Variants in ABI2 observed in about 807,000 individuals in gnomAD.
ABI2 encodes abelson interactor 2.
Under a neutral mutation model 59.2 loss-of-function variants are expected in ABI2, and 25 were observed. That is an observed-to-expected ratio of 0.42 (90% CI 0.31 to 0.59). ABI2 has a LOEUF of 0.59. Ranked by LOEUF, ABI2 falls within the 20% of genes least tolerant of loss-of-function variation. The pLI is 0.14. For missense variants in ABI2, 545 were observed against 681.8 expected (o/e 0.80, Z 2.23); for synonymous variants, 213 against 235.5 (o/e 0.90, Z 0.87).
chr2:203,425,935 C>T (rs56143510), intron 11 of ABI2, among the ~76,000 whole-genome samples: 7,979 of 151,642 alleles, frequency 0.053, 289 homozygotes, highest in Non-Finnish European at 0.082. Context: ...GCAAGAGAAT[C>T]GCTTGAACCT....
rs16839765 is a variant in ABI2, at chr2:203,406,141, A to C, written c.1192+3407A>C. 2.3e-3 allele frequency among the ~76,000 whole-genome samples: 353 copies of C among 152,336 alleles called. 7 individuals are homozygous for C. The East Asian group carries it at 0.057, about 24-fold the overall frequency. On this transcript the variant is annotated intron_variant, in intron 9 of 11. Coordinates refer to ENST00000261018, the MANE Select transcript of ABI2 (RefSeq NM_001375670.1). ...GGGGGTCATAGAAACACATAGGGCTAATTATGAGTTAACAGTCTCTACTTT... is the reference window on the plus strand; with the variant it reads ...GGGGGTCATAGAAACACATAGGGCTCATTATGAGTTAACAGTCTCTACTTT...
At chr2:203,401,871 CAAACA>C (rs1381265918) in intron 8 of ABI2, among the ~76,000 whole-genome samples, 3 of 151,994 alleles carry the variant, frequency 2.0e-5, no homozygotes, top group African/African-American at 4.8e-5. Context: ...GACTGTGTGT[CAAACA>C]TTTTTTCTCT....
At chr2:203,348,968 C>T (rs2085682544) in intron 1 of ABI2, among the ~76,000 whole-genome samples, 1 of 151,976 alleles carries the variant, frequency 6.6e-6, no homozygotes, top group Non-Finnish European at 1.5e-5. Flanking sequence ...GTTTCACTTC[C>T]ATTGTCTAGG....
intron 1 of ABI2, among the ~76,000 whole-genome samples, chr2:203,356,540 T>C (rs2092070501): frequency 1.3e-5 from 2 of 152,210 alleles, no homozygotes; most frequent in Middle Eastern, 3.4e-3. Flanking sequence ...GGCTAATTTT[T>C]TGTATTTTAG....
At chr2:203,338,983 A>AAATATATATATATATATATATAAATATAT (rs2078182989) in intron 1 of ABI2, among the ~76,000 whole-genome samples, 1 of 12,356 alleles carries the variant, frequency 8.1e-5, no homozygotes, top group South Asian at 2.7e-3. Flanking sequence ...TATATATATA[A>AAATATATATATATATATATATAAATATAT]ATATATATAT....
chr2:203,406,482 G>C (rs1310503804), intron 9 of ABI2, among the ~76,000 whole-genome samples: 3 of 152,102 alleles, frequency 2.0e-5, no homozygotes, highest in African/African-American at 7.2e-5. Flanking sequence ...ACCCCTGAAT[G>C]GTTTTAAAAG....
intron 2 of ABI2, chr2:203,376,107 A>G: frequency 6.5e-7 from 1 of 1,534,542 alleles, no homozygotes; most frequent in Non-Finnish European, 8.7e-7. Flanking sequence ...AAATTTGGAA[A>G]CAATTGCAGT....
chr2:203,357,287 T>A lies in ABI2; in HGVS notation c.118-9590T>A, dbSNP rs532279828. On this transcript the variant is annotated intron_variant, in intron 1 of 11. Coordinates refer to ENST00000261018, the MANE Select transcript of ABI2 (RefSeq NM_001375670.1). ...TATGGTAACTGACTCCTTGGGAGTA[T>A]AAATTAATTATTTAAGAGCAAGTAA... Among the ~76,000 whole-genome samples, 141 of 152,292 alleles carry A rather than the reference T, an allele frequency of 9.3e-4. 1 individual carries two copies. Among genetic ancestry groups the A allele is most frequent in the African/African-American group, 3.2e-3 (134 of 41,570 alleles).
intron 5 of ABI2, 39 bp from the exon 6 acceptor site, chr2:203,394,661 T>A (rs751443126): frequency 1.9e-6 from 3 of 1,579,808 alleles, no homozygotes; most frequent in Non-Finnish European, 1.7e-6. Flanking sequence ...GTGCCGAAAC[T>A]TGCTTAATCA....
intron 1 of ABI2, among the ~76,000 whole-genome samples, chr2:203,339,810 A>T (rs1379134121): frequency 6.6e-6 from 1 of 152,194 alleles, no homozygotes; most frequent in African/African-American, 2.4e-5. Context: ...TGTGTACTGC[A>T]TGCACAGTTC....
chr2:203,350,540 CTT>C (rs1213913573), intron 1 of ABI2, among the ~76,000 whole-genome samples: 25 of 138,668 alleles, frequency 1.8e-4, no homozygotes, highest in Admixed American at 1.5e-4. Flanking sequence ...TCTTTCTTTT[CTT>C]TTTTTTTTTT....
chr2:203,355,845 A>C (rs971705633), intron 1 of ABI2, among the ~76,000 whole-genome samples: 4 of 151,250 alleles, frequency 2.6e-5, no homozygotes, highest in African/African-American at 4.9e-5. Context: ...AAAAAAAAAA[A>C]AAAAAACACC....
At chr2:203,373,239 T>A (rs1004882620) in intron 2 of ABI2, among the ~76,000 whole-genome samples, 3 of 152,134 alleles carry the variant, frequency 2.0e-5, no homozygotes, top group Non-Finnish European at 4.4e-5. Context: ...GGCTGGCGGA[T>A]CACTCGCGGT....
intron 6 of ABI2, chr2:203,395,111 A>T (rs1296286500): frequency 1.4e-6 from 1 of 703,482 alleles, no homozygotes; most frequent in African/African-American, 1.7e-5. Flanking sequence ...ATTATGGACC[A>T]AATGTGGGAA....
At position 203,411,406 on chromosome 2, in the gene ABI2, T is replaced by TA. The variant is rs1244318744; in HGVS notation, c.1279+35_1279+36insA. On this transcript the variant is annotated intron_variant, in intron 10 of 11. Transcript: ENST00000261018. ...TGTCTTCTTTATGCTGTAGATCAGA[T>TA]TGTAGGCATAAAATGTCATTTATAT... is the stretch of plus-strand genomic sequence containing the variant. 2.0e-6 allele frequency: 3 copies of TA among 1,522,060 alleles called. No homozygotes were observed. In the African/African-American group the frequency reaches 4.1e-5, roughly 21 times the overall value. 94.3% of individuals were successfully genotyped at this position (1,522,060 alleles called of 1,614,324 possible).
Position 203,417,098 on chromosome 2 carries a change from T to C in ABI2, c.1453+17T>C, listed in dbSNP as rs770523535. ...TGGAAAAGGGTAAGTTTCAGAAGGATATCTGGATAGATGGGAAGAAACCTC... is the reference window on the plus strand; with the variant it reads ...TGGAAAAGGGTAAGTTTCAGAAGGACATCTGGATAGATGGGAAGAAACCTC... On this transcript the variant is annotated intron_variant, in intron 11 of 11. Transcript: ENST00000261018. 1.9e-6 allele frequency: 3 copies of C among 1,598,124 alleles called. No individual in the cohort carries two copies. In the Admixed American group the frequency reaches 5.2e-5, roughly 28 times the overall value.
At chr2:203,366,760 G>GT in intron 1 of ABI2, 117 bp from the exon 2 acceptor site, 3 of 1,037,198 alleles carry the variant, frequency 2.9e-6, no homozygotes, top group Non-Finnish European at 4.0e-6. Context: ...TGGTGGATTA[G>GT]TTTTTTTACT....
intron 5 of ABI2, among the ~76,000 whole-genome samples, chr2:203,391,720 C>T (rs2096747240): frequency 6.6e-6 from 1 of 150,766 alleles, no homozygotes; most frequent in South Asian, 2.1e-4. Flanking sequence ...ACTTGCGAGG[C>T]TGAGACAGGA....
chr2:203,380,108 A>T (rs1578134610), intron 2 of ABI2, 100 bp from the exon 3 acceptor site: 2 of 702,804 alleles, frequency 2.8e-6, no homozygotes. Flanking sequence ...ATAGTTTAGA[A>T]TATGAGTAGC....
Sources: gnomAD v4.1 joint callset for allele counts (sites outside exome capture counted in the v4.1 genomes callset) on GRCh38, gnomAD v4.1.1 for gene constraint, MANE v1.5 for transcripts, NCBI Gene and HGNC (gene_info 2026-07-23, HGNC 2026-07-21) for gene names.